TENM2: variants seen among roughly 807,000 people sequenced by gnomAD.
TENM2 encodes the protein teneurin transmembrane protein 2, also known as teneurin-2.
A neutral mutation model predicts 245.2 loss-of-function variants in TENM2; 52 were observed. The ratio of observed to expected loss-of-function variants is 0.21; its 90% CI spans 0.17 to 0.27. The LOEUF (loss-of-function observed/expected upper bound fraction) is 0.27, where lower values mean the gene tolerates loss of function less well. Among genes scored for constraint, TENM2 ranks in the 10% least tolerant of loss-of-function variants. TENM2 has a pLI of 1.00. For synonymous variants in TENM2, 1,363 were observed against 1,438.9 expected (o/e 0.95, Z 1.19); for missense variants, 3,046 against 3,666.8 (o/e 0.83, Z 4.37).
At chr5:167,815,993 TG>T (rs1378774634) in intron 2 of TENM2, among the ~76,000 whole-genome samples, 33 of 151,540 alleles carry the variant, frequency 2.2e-4, no homozygotes, top group African/African-American at 8.0e-4. Flanking sequence ...TGTGTGTGTG[TG>T]TGTGTGTGTG....
chr5:167,448,803 T>C (rs1223061112), intron 2 of TENM2, among the ~76,000 whole-genome samples: 3 of 151,996 alleles, frequency 2.0e-5, no homozygotes, highest in African/African-American at 7.2e-5. Flanking sequence ...GCTGGTAAAC[T>C]TGTGTATGAG....
chr5:167,036,533 A>G, the TENM2 span, among the ~76,000 whole-genome samples: 1 of 152,210 alleles, frequency 6.6e-6, no homozygotes, highest in African/African-American at 2.4e-5. Flanking sequence ...TCTCTGCTTA[A>G]GTTATATCGT....
At chr5:167,052,713 A>G in the TENM2 span, among the ~76,000 whole-genome samples, 1 of 152,174 alleles carries the variant, frequency 6.6e-6, no homozygotes, top group Non-Finnish European at 1.5e-5. Flanking sequence ...TGATGTTAAT[A>G]TAATATAGAC....
At position 167,834,879 on chromosome 5, in the gene TENM2, T is replaced by C. The variant is rs560460536; in HGVS notation, c.503-41107T>C. Among the ~76,000 whole-genome samples, 33 of 152,260 alleles carry C rather than the reference T, an allele frequency of 2.2e-4. 1 individual carries two copies. In the South Asian group the frequency reaches 6.2e-3, roughly 29 times the overall value. ...GTTAGCCAGGATGGTCTCGATCTCCTGACCTCGTGATCCGCCCGCCTCGGC... is the reference window on the plus strand; with the variant it reads ...GTTAGCCAGGATGGTCTCGATCTCCCGACCTCGTGATCCGCCCGCCTCGGC... On this transcript the variant is annotated intron_variant, in intron 2 of 28. Coordinates refer to ENST00000518659, the Ensembl canonical transcript of TENM2.
intron 1 of TENM2, among the ~76,000 whole-genome samples, chr5:167,374,498 A>G (rs916678218): frequency 1.3e-5 from 2 of 152,190 alleles, no homozygotes; most frequent in Non-Finnish European, 2.9e-5. Flanking sequence ...GCACACAATC[A>G]CCCTGAGAAA....
chr5:167,976,078 T>C (rs1782419097), intron 4 of TENM2, among the ~76,000 whole-genome samples: 1 of 152,200 alleles, frequency 6.6e-6, no homozygotes, highest in Admixed American at 6.5e-5. Flanking sequence ...AAATCACATA[T>C]GATACTTAGT....
chr5:168,002,882 C>A lies in TENM2; in HGVS notation c.1186+9700C>A, dbSNP rs527687694. ...CGCACTGTGTGCTGAAATCTGCAGG[C>A]CAGCCTTAATATCCAGGATATTTTT... On this transcript the variant is annotated intron_variant, in intron 5 of 28. Coordinates refer to ENST00000518659, the Ensembl canonical transcript of TENM2. 3.3e-5 allele frequency among the ~76,000 whole-genome samples: 5 copies of A among 152,294 alleles called. No individual in the cohort carries two copies. In the South Asian group the frequency reaches 1.0e-3, roughly 32 times the overall value.
the TENM2 span, among the ~76,000 whole-genome samples, chr5:167,133,812 C>T: frequency 1.3e-5 from 2 of 149,882 alleles, no homozygotes; most frequent in East Asian, 3.9e-4. Context: ...CTCTTAATGT[C>T]ATGCTTGGGG....
chr5:167,971,107 C>G (rs572073911), intron 4 of TENM2, among the ~76,000 whole-genome samples: 1 of 151,846 alleles, frequency 6.6e-6, no homozygotes, highest in Non-Finnish European at 1.5e-5. Flanking sequence ...GGGAAAAGAG[C>G]GAAGTATAGC....
At chr5:167,918,972 G>A (rs1777151702) in intron 3 of TENM2, among the ~76,000 whole-genome samples, 1 of 152,100 alleles carries the variant, frequency 6.6e-6, no homozygotes, top group Admixed American at 6.5e-5. Flanking sequence ...TGTGTTGCTT[G>A]TATTTTCATA....
At chr5:167,221,888 G>T in the TENM2 span, among the ~76,000 whole-genome samples, 3 of 152,288 alleles carry the variant, frequency 2.0e-5, no homozygotes, top group South Asian at 2.1e-4. Context: ...GCTAGTTATT[G>T]TAGGTAAGTT....
At chr5:167,502,012 C>CCA in intron 2 of TENM2, among the ~76,000 whole-genome samples, 1 of 142,650 alleles carries the variant, frequency 7.0e-6, no homozygotes, top group East Asian at 2.0e-4. Flanking sequence ...TGAAAAATAA[C>CCA]AAAAAAAAAA....
rs190821256 is a variant in TENM2, at chr5:167,520,294, A to G, written c.502+144821A>G. Among the ~76,000 whole-genome samples the G allele has an allele frequency of 2.0e-5, 3 of 152,328 alleles. No homozygotes were observed. The East Asian group carries it at 5.8e-4, about 29-fold the overall frequency. On this transcript the variant is annotated intron_variant, in intron 2 of 28. Coordinates refer to ENST00000518659, the Ensembl canonical transcript of TENM2. ...GTAGATGGCTGTATAACAGCAAACAAAGTGGTTATGAAACAGCAGGATCTC... is the reference window on the plus strand; with the variant it reads ...GTAGATGGCTGTATAACAGCAAACAGAGTGGTTATGAAACAGCAGGATCTC...
intron 3 of TENM2, among the ~76,000 whole-genome samples, chr5:167,907,150 T>A (rs532563848): frequency 2.4e-4 from 37 of 152,138 alleles, no homozygotes; most frequent in African/African-American, 7.2e-4. Context: ...GAGAATCACT[T>A]GAACTCAGGA....
At chr5:167,159,275 C>G in the TENM2 span, among the ~76,000 whole-genome samples, 1 of 151,864 alleles carries the variant, frequency 6.6e-6, no homozygotes, top group Non-Finnish European at 1.5e-5. Context: ...TTAGAATCTA[C>G]AATTTCCCCC....
At chr5:167,608,356 C>T (rs1777206985) in intron 2 of TENM2, among the ~76,000 whole-genome samples, 1 of 152,128 alleles carries the variant, frequency 6.6e-6, no homozygotes, top group Admixed American at 6.5e-5. Context: ...AGATGGTTAT[C>T]TGTTAATCGA....
chr5:167,046,144 AG>A, the TENM2 span, among the ~76,000 whole-genome samples: 16 of 152,214 alleles, frequency 1.1e-4, no homozygotes, highest in East Asian at 1.4e-3. Context: ...GGGAAAAAAA[AG>A]GTACTGTGGT....
chr5:167,626,146 A>G (rs184079777), intron 2 of TENM2, among the ~76,000 whole-genome samples: 5 of 152,324 alleles, frequency 3.3e-5, no homozygotes, highest in African/African-American at 1.2e-4. Flanking sequence ...ATTTGTGAGC[A>G]TATTTAAAAA....
intron 2 of TENM2, among the ~76,000 whole-genome samples, chr5:167,771,665 A>G (rs1441235229): frequency 6.6e-6 from 1 of 152,172 alleles, no homozygotes; most frequent in Non-Finnish European, 1.5e-5. Flanking sequence ...TGAGCTTTGA[A>G]CATATGGCTG....
Sources: allele counts gnomAD v4.1 joint callset (sites outside exome capture counted in the v4.1 genomes callset), GRCh38; gene constraint gnomAD v4.1.1; transcripts MANE v1.5; gene names NCBI Gene and HGNC (gene_info 2026-07-23, HGNC 2026-07-21).